UNC80: variants seen among roughly 807,000 people sequenced by gnomAD.
UNC80 encodes protein unc-80 homolog.
In UNC80, 164 loss-of-function variants were observed where a neutral mutation model predicts 384.6. The ratio of observed to expected loss-of-function variants is 0.43; its 90% CI spans 0.38 to 0.49. UNC80 has a LOEUF of 0.49. UNC80 is among the 20% of genes least tolerant of loss of function. The pLI, the probability that UNC80 is intolerant of heterozygous loss-of-function variation, is 0.00. For missense variants in UNC80, 3,330 were observed against 4,143.0 expected, an observed-to-expected ratio of 0.80 and a Z score of 5.39; for synonymous variants, 1,486 against 1,527.8, an observed-to-expected ratio of 0.97 and a Z score of 0.64.
intron 17 of UNC80, among the ~76,000 whole-genome samples, chr2:209,834,473 A>C (rs1038778385): frequency 6.6e-6 from 1 of 152,202 alleles, no homozygotes; most frequent in African/African-American, 2.4e-5. Flanking sequence ...TCTTCTGTAC[A>C]TAATTTACAC....
intron 21 of UNC80, among the ~76,000 whole-genome samples, chr2:209,849,055 A>G (rs1446274751): frequency 6.6e-6 from 1 of 152,132 alleles, no homozygotes; most frequent in Non-Finnish European, 1.5e-5. Context: ...TGCTGTACCA[A>G]TGCTGTATCA....
intron 49 of UNC80, 97 bp from the exon 50 acceptor site, chr2:209,959,022 C>A: frequency 2.0e-6 from 2 of 989,154 alleles, no homozygotes; most frequent in Non-Finnish European, 3.1e-6. Flanking sequence ...AAATGTATAG[C>A]TTCAAGGGCT....
chr2:209,980,282 A>C (rs936429036), intron 59 of UNC80, among the ~76,000 whole-genome samples: 1 of 152,234 alleles, frequency 6.6e-6, no homozygotes, highest in Admixed American at 6.5e-5. Context: ...ATAGGAAATG[A>C]TATCACCTAT....
At chr2:209,835,491 A>T (rs1290865747) in intron 18 of UNC80, among the ~76,000 whole-genome samples, 1 of 152,228 alleles carries the variant, frequency 6.6e-6, no homozygotes, top group East Asian at 1.9e-4. Flanking sequence ...CTCTCTTGAG[A>T]TCCATTCCAG....
intron 62 of UNC80, among the ~76,000 whole-genome samples, chr2:209,992,960 A>T (rs1559454289): frequency 1.3e-5 from 2 of 152,200 alleles, no homozygotes; most frequent in African/African-American, 2.4e-5. Flanking sequence ...GGTTTTGAAA[A>T]TAAACTTCCC....
At chr2:209,851,477 CAGAGTCAATGTGAGTTATA>C (rs1347681533) in intron 22 of UNC80, among the ~76,000 whole-genome samples, 1 of 151,974 alleles carries the variant, frequency 6.6e-6, no homozygotes, top group African/African-American at 2.4e-5. Flanking sequence ...TTTAGAAGCC[CAGAGTCAATGTGAGTTATA>C]AGATACTCAC....
rs1384447822 is a variant in UNC80 at position 209,889,560 on chromosome 2, G to A, written c.4276+1300G>A. ...CAGAACGTGCATGTTTGTTACATAG[G>A]TATAGACGTGCTGTGGTGGTTTGCT... On this transcript the variant is annotated intron_variant, in intron 26 of 64. Transcript: ENST00000673920. Among the ~76,000 whole-genome samples, 14 of 152,152 alleles carry A rather than the reference G, an allele frequency of 9.2e-5. No individual in the cohort carries two copies. The East Asian group carries it at 2.7e-3, about 29-fold the overall frequency.
chr2:209,921,712 G>T (rs1356960432), intron 34 of UNC80, 26 bp downstream of exon 34: 4 of 1,516,442 alleles, frequency 2.6e-6, no homozygotes, highest in South Asian at 1.3e-5. Context: ...AGGACTTCTT[G>T]GGGGGCTGAG....
Position 209,786,130 on chromosome 2 carries a change from G to C in UNC80, c.665G>C (p.Arg222Thr). 6.2e-7 allele frequency: 1 copy of C among 1,614,078 alleles called. No individual in the cohort carries two copies. Among genetic ancestry groups the C allele is most frequent in the Non-Finnish European group, 8.5e-7 (1 of 1,179,980 alleles). ...LVIWQPMWEH[R>T]QPGVSGFTAL... Reference sequence around the variant, plus strand: ...ATATGGCAGCCCATGTGGGAACACAGACAGCCCGGAGTCTCTGGCTTTACC... The same window carrying C: ...ATATGGCAGCCCATGTGGGAACACACACAGCCCGGAGTCTCTGGCTTTACC... The change falls in exon 5 of 65, where the codon AGA (arginine) becomes ACA (threonine). Residue 222 changes from arginine (R) to threonine (T), a missense_variant. Coordinates refer to ENST00000673920, the MANE Select transcript of UNC80 (RefSeq NM_001371986.1).
chr2:209,844,548 CTT>C (rs2082039519), intron 21 of UNC80, among the ~76,000 whole-genome samples: 1 of 110,752 alleles, frequency 9.0e-6, no homozygotes, highest in Non-Finnish European at 1.8e-5. Context: ...TCCTTCCTTC[CTT>C]TTTCTTTCCA....
intron 52 of UNC80, chr2:209,969,529 A>C: frequency 2.0e-6 from 1 of 504,280 alleles, no homozygotes; most frequent in South Asian, 3.3e-5. Flanking sequence ...AATGCAACCC[A>C]TTCATCATCT....
intron 7 of UNC80, chr2:209,809,034 C>T (rs1343352232): frequency 5.2e-6 from 2 of 388,224 alleles, no homozygotes; most frequent in Admixed American, 3.8e-5. Flanking sequence ...AAGAGAGTTT[C>T]AAGGCGGCAG....
chr2:209,809,015 G>T, intron 7 of UNC80: 2 of 351,390 alleles, frequency 5.7e-6, no homozygotes, highest in South Asian at 5.1e-5. Flanking sequence ...CTCCAACTGA[G>T]ACTCCCCCAA....
chr2:209,877,377 T>C (rs920469408), intron 23 of UNC80, among the ~76,000 whole-genome samples: 3 of 152,164 alleles, frequency 2.0e-5, no homozygotes, highest in Admixed American at 6.5e-5. Flanking sequence ...TTGGGCACTC[T>C]ACCAAAAGAA....
In UNC80 at chr2:209,780,188, C is replaced by T. The variant is rs572717802; in HGVS notation, c.600+2629C>T. On this transcript the variant is annotated intron_variant, in intron 4 of 64. Transcript: ENST00000673920. The stretch of plus-strand genomic sequence containing the variant: ...TTCAGGAGTGACTACTCAAATAATT[C>T]GAAAAGCTGACTTAAGACCCTCATG... Among the ~76,000 whole-genome samples, 19 of 152,172 alleles carry T rather than the reference C, an allele frequency of 1.2e-4. No homozygotes were observed. The South Asian group carries it at 2.7e-3, about 22-fold the overall frequency.
At chr2:209,774,385 A>C (rs2076749552) in intron 2 of UNC80, among the ~76,000 whole-genome samples, 1 of 152,252 alleles carries the variant, frequency 6.6e-6, no homozygotes, top group Admixed American at 6.5e-5. Flanking sequence ...CTAGCTTAAA[A>C]TAATCCTGAC....
At chr2:209,784,178 C>T (rs2077298675) in intron 4 of UNC80, among the ~76,000 whole-genome samples, 1 of 152,108 alleles carries the variant, frequency 6.6e-6, no homozygotes, top group Non-Finnish European at 1.5e-5. Flanking sequence ...TGAGAATCTA[C>T]CACTTCTCAT....
chr2:209,835,037 T>C (rs779589115), intron 18 of UNC80, 27 bp downstream of exon 18: 34 of 1,503,760 alleles, frequency 2.3e-5, no homozygotes, highest in Non-Finnish European at 2.9e-5. Flanking sequence ...TTGTCTCCAG[T>C]GCAGACGGCT....
Position 209,872,731 on chromosome 2 carries a change from T to C in UNC80, c.3628-27T>C. ...AAGTTATTGTTCATTAATCCCACAT[T>C]ATTCTTTCCTAAACAACCCTACACA... On this transcript the variant is annotated intron_variant, in intron 22 of 64. Transcript: ENST00000673920. This position sits in a 1 kb window ranked among gnomAD's most constrained non-coding sequence, Gnocchi z 4.1. The C allele has an allele frequency of 6.5e-7, 1 of 1,535,824 alleles. No individual in the cohort carries two copies. The highest frequency in any genetic ancestry group is 8.8e-7 in the Non-Finnish European group (1 of 1,132,796).
Sources: gnomAD v4.1 joint callset for allele counts (sites outside exome capture counted in the v4.1 genomes callset) on GRCh38, gnomAD v4.1.1 for gene constraint, Gnocchi (gnomAD v3.1) non-coding constraint, MANE v1.5 for transcripts, NCBI Gene and HGNC (gene_info 2026-07-23, HGNC 2026-07-21) for gene names.